Variants in NEGR1 observed in about 807,000 individuals in gnomAD.
NEGR1 encodes IgLON family member 4.
In NEGR1, 10 loss-of-function variants were observed where a neutral mutation model predicts 40.9. That is an observed-to-expected ratio of 0.24 (90% CI 0.15 to 0.42). The LOEUF (loss-of-function observed/expected upper bound fraction) is 0.42, where lower values mean the gene tolerates loss of function less well. Among genes scored for constraint, NEGR1 ranks in the 10% least tolerant of loss-of-function variants. The probability of loss-of-function intolerance (pLI) is 1.00; values close to 1 mark genes in which losing one functional copy is unlikely to be tolerated. For synonymous variants in NEGR1, 185 were observed against 166.8 expected (o/e 1.11, Z -0.84); for missense variants, 352 against 438.9 (o/e 0.80, Z 1.77).
chr1:71,601,818 GA>G (rs1649929135), intron 5 of NEGR1, among the ~76,000 whole-genome samples: 1 of 152,128 alleles, frequency 6.6e-6, no homozygotes, highest in Non-Finnish European at 1.5e-5. Flanking sequence ...GGAGGGCTGG[GA>G]GAGGAGTGAG....
At chr1:72,065,574 G>A (rs2100501228) in intron 1 of NEGR1, among the ~76,000 whole-genome samples, 1 of 152,160 alleles carries the variant, frequency 6.6e-6, no homozygotes, top group African/African-American at 2.4e-5. Context: ...GTAGGAGAAA[G>A]GACTTGAACT....
intron 6 of NEGR1, among the ~76,000 whole-genome samples, chr1:71,500,984 G>A (rs1252603691): frequency 6.6e-6 from 1 of 152,038 alleles, no homozygotes; most frequent in African/African-American, 2.4e-5. Context: ...AGAGCCAACT[G>A]TATGTTTAAA....
intron 6 of NEGR1, among the ~76,000 whole-genome samples, chr1:71,505,852 T>C (rs912788519): frequency 3.3e-5 from 5 of 152,136 alleles, no homozygotes; most frequent in African/African-American, 7.2e-5. Context: ...TGTTACAATA[T>C]GTAAATGATC....
At chr1:71,456,558 G>A (rs1026538543) in intron 6 of NEGR1, among the ~76,000 whole-genome samples, 1 of 152,184 alleles carries the variant, frequency 6.6e-6, no homozygotes, top group African/African-American at 2.4e-5. Context: ...TGAAAGGCAG[G>A]TAAATGTACT....
intron 3 of NEGR1, among the ~76,000 whole-genome samples, chr1:71,722,647 C>T (rs905099230): frequency 1.3e-5 from 2 of 152,006 alleles, no homozygotes; most frequent in South Asian, 4.1e-4. Context: ...TTTAACATTG[C>T]TTTATTTCTT....
intron 4 of NEGR1, among the ~76,000 whole-genome samples, chr1:71,638,275 A>T (rs542156642): frequency 1.3e-3 from 191 of 152,116 alleles, no homozygotes; most frequent in Non-Finnish European, 2.5e-3. Context: ...CTCTCATCAT[A>T]TGAATCACTT....
chr1:72,007,312 A>T (rs1249692310), intron 1 of NEGR1, among the ~76,000 whole-genome samples: 1 of 152,024 alleles, frequency 6.6e-6, no homozygotes. Flanking sequence ...GAGGAAATTT[A>T]GGCTTAAATT....
chr1:71,513,765 G>A (rs528519621), intron 6 of NEGR1, among the ~76,000 whole-genome samples: 1 of 152,074 alleles, frequency 6.6e-6, no homozygotes, highest in Non-Finnish European at 1.5e-5. Context: ...AGCTCCCAGC[G>A]TGAGCGACGC....
At chr1:72,033,114 T>G (rs1442981428) in intron 1 of NEGR1, among the ~76,000 whole-genome samples, 1 of 152,100 alleles carries the variant, frequency 6.6e-6, no homozygotes, top group African/African-American at 2.4e-5. Flanking sequence ...CCAAATATAA[T>G]AGCAAGAACA....
intron 1 of NEGR1, among the ~76,000 whole-genome samples, chr1:71,991,902 C>T (rs901677018): frequency 6.6e-6 from 1 of 152,282 alleles, no homozygotes; most frequent in East Asian, 1.9e-4. Flanking sequence ...AGCAATTCTC[C>T]TGCCTCAGCC....
intron 6 of NEGR1, among the ~76,000 whole-genome samples, chr1:71,489,170 C>G (rs1646908130): frequency 6.6e-6 from 1 of 151,804 alleles, no homozygotes; most frequent in South Asian, 2.1e-4. Flanking sequence ...TTCCCTTTCT[C>G]TGTCTCAGGC....
At chr1:71,427,656 G>C (rs1646437046) in intron 6 of NEGR1, among the ~76,000 whole-genome samples, 1 of 152,082 alleles carries the variant, frequency 6.6e-6, no homozygotes, top group Non-Finnish European at 1.5e-5. Context: ...TCTTGTTCTA[G>C]TTCCTGGCCT....
chr1:72,043,006 G>A (rs1196653177), intron 1 of NEGR1, among the ~76,000 whole-genome samples: 1 of 151,950 alleles, frequency 6.6e-6, no homozygotes, highest in Non-Finnish European at 1.5e-5. Flanking sequence ...TAATCTGCAT[G>A]CATTGCATTT....
Position 71,510,984 on chromosome 1 carries a change from G to A in NEGR1, c.940+81833C>T, listed in dbSNP as rs192728912. On this transcript the variant is annotated intron_variant, in intron 6 of 6. Coordinates refer to ENST00000357731, the MANE Select transcript of NEGR1 (RefSeq NM_173808.3). The stretch of plus-strand genomic sequence containing the variant: ...TGTCTCTCAAGGCATGATTTAGTTA[G>A]TAAAACTCTTGAGGCCTGAAACAAT... Among the ~76,000 whole-genome samples the A allele has an allele frequency of 1.2e-4, 19 of 152,300 alleles. No individual in the cohort carries two copies. The East Asian group carries it at 3.3e-3, about 26-fold the overall frequency.
At position 71,917,734 on chromosome 1, in the gene NEGR1, T is replaced by G. The variant is rs550121822; in HGVS notation, c.409+17345A>C. On this transcript the variant is annotated intron_variant, in intron 2 of 6. Coordinates refer to ENST00000357731, the MANE Select transcript of NEGR1 (RefSeq NM_173808.3). ...GGCGGAGCTTGCAGTGAGCCCAGATTGCGCCACTGCACTCCAGCCTGGGCG... is the reference window on the plus strand; with the variant it reads ...GGCGGAGCTTGCAGTGAGCCCAGATGGCGCCACTGCACTCCAGCCTGGGCG... Among the ~76,000 whole-genome samples, 72 of 148,768 alleles carry G rather than the reference T, an allele frequency of 4.8e-4. 2 individuals carry two copies. The East Asian group carries it at 0.013, about 27-fold the overall frequency.
At chr1:72,106,745 A>G (rs1649148176) in intron 1 of NEGR1, among the ~76,000 whole-genome samples, 1 of 152,028 alleles carries the variant, frequency 6.6e-6, no homozygotes, top group Non-Finnish European at 1.5e-5. Context: ...GCAATGGTAA[A>G]TTAAAGATTA....
At chr1:71,619,535 A>T (rs1032212140) in intron 4 of NEGR1, among the ~76,000 whole-genome samples, 1 of 152,168 alleles carries the variant, frequency 6.6e-6, no homozygotes, top group African/African-American at 2.4e-5. Flanking sequence ...CAAATTCACC[A>T]GTAGAATAGC....
chr1:72,042,524 GTCAGA>G (rs373814828), intron 1 of NEGR1, among the ~76,000 whole-genome samples: 320 of 152,074 alleles, frequency 2.1e-3, no homozygotes, highest in African/African-American at 7.3e-3. Flanking sequence ...GAGCACCAAT[GTCAGA>G]TCACGATAGC....
At chr1:71,581,742 G>T (rs541337062) in intron 6 of NEGR1, among the ~76,000 whole-genome samples, 1 of 145,270 alleles carries the variant, frequency 6.9e-6, no homozygotes, top group Non-Finnish European at 1.5e-5. Context: ...TCACTCTGCC[G>T]TCCAGGCTGC....
Sources: allele counts gnomAD v4.1 joint callset (sites outside exome capture counted in the v4.1 genomes callset), GRCh38; gene constraint gnomAD v4.1.1; transcripts MANE v1.5; gene names NCBI Gene and HGNC (gene_info 2026-07-23, HGNC 2026-07-21).